Variants in TNFRSF8 observed in about 807,000 individuals in gnomAD.
The protein encoded by TNFRSF8 is tumor necrosis factor receptor superfamily member 8.
In TNFRSF8, 26 loss-of-function variants were observed where a neutral mutation model predicts 70.8. That is an observed-to-expected ratio of 0.37 (90% CI 0.27 to 0.51). TNFRSF8 has a LOEUF of 0.51. Ranked by LOEUF, TNFRSF8 falls within the 20% of genes least tolerant of loss-of-function variation. TNFRSF8 has a pLI of 0.94. For missense variants in TNFRSF8, 720 were observed against 807.9 expected (o/e 0.89, Z 1.32); for synonymous variants, 356 against 339.2 (o/e 1.05, Z -0.54).
rs766166562 is a variant in TNFRSF8 at position 12,142,427 on chromosome 1, G to A, written c.1684G>A (p.Glu562Lys). Residue 562 changes from glutamate to lysine, a missense_variant, in exon 15 of 15, where the codon GAG (glutamate) becomes AAG (lysine). Glu to Lys is a moderately conservative substitution (Grantham distance 56). Transcript: ENST00000263932. This position sits in a 1 kb window ranked among gnomAD's most constrained non-coding sequence, Gnocchi z 5.0. The stretch of plus-strand genomic sequence containing the variant: ...GGCGGACCATACCCCCCACTACCCC[G>A]AGCAGGAGACAGAACCGCCTCTGGG... The part of the protein sequence containing the change: ...LEADHTPHYP[E>K]QETEPPLGSC... 4.3e-6 allele frequency: 7 copies of A among 1,612,626 alleles called. No individual in the cohort carries two copies. The highest frequency in any genetic ancestry group is 2.7e-5 in the African/African-American group (2 of 75,048).
chr1:12,080,279 A>T, intron 1 of TNFRSF8: 1 of 522,676 alleles, frequency 1.9e-6, no homozygotes, highest in Non-Finnish European at 3.8e-6. Flanking sequence ...GGCAACATCC[A>T]AAGCATTGTA....
At chr1:12,104,287 A>G (rs1641477957) in intron 3 of TNFRSF8, 92 bp from the exon 4 acceptor site, 2 of 1,432,140 alleles carry the variant, frequency 1.4e-6, no homozygotes, top group African/African-American at 1.4e-5. Context: ...TGCGTTGCGG[A>G]CTGCACCTGC....
chr1:12,076,279 T>C (rs1244938036), intron 1 of TNFRSF8, among the ~76,000 whole-genome samples: 1 of 151,996 alleles, frequency 6.6e-6, no homozygotes, highest in Non-Finnish European at 1.5e-5. Flanking sequence ...TTTGTATTTT[T>C]AGTAGAGATG....
chr1:12,072,932 G>C (rs777752844), intron 1 of TNFRSF8, among the ~76,000 whole-genome samples: 2 of 152,180 alleles, frequency 1.3e-5, no homozygotes, highest in African/African-American at 2.4e-5. Flanking sequence ...CTCTCCAAAC[G>C]GTCTGGGGGG....
At position 12,115,652 on chromosome 1, in the gene TNFRSF8, C is replaced by A. The variant is rs1235870191; in HGVS notation, c.869C>A (p.Ala290Asp). Residue 290 changes from alanine (A) to aspartate (D), a missense_variant, in exon 8 of 15, where the codon GCC becomes GAC. Transcript: ENST00000263932. The stretch of plus-strand genomic sequence containing the variant: ...GAATGTCGACCTGGCATGATCTGTG[C>A]CACATCAGCCACCAACTCCTGTGCC... ...TCECRPGMICATSATNSCARC... is the reference protein window; with the variant it reads ...TCECRPGMICDTSATNSCARC... 19 of 1,614,062 alleles carry A rather than the reference C, an allele frequency of 1.2e-5. No individual in the cohort carries two copies. Among genetic ancestry groups the A allele is most frequent in the Non-Finnish European group, 1.5e-5 (18 of 1,180,040 alleles).
At chr1:12,111,278 T>G (rs926580954) in intron 6 of TNFRSF8, among the ~76,000 whole-genome samples, 9 of 151,756 alleles carry the variant, frequency 5.9e-5, no homozygotes, top group Non-Finnish European at 1.2e-4. Flanking sequence ...GCCTCCTGGG[T>G]TCAAGCAATT....
At chr1:12,075,209 A>C (rs1174098325) in intron 1 of TNFRSF8, among the ~76,000 whole-genome samples, 1 of 149,702 alleles carries the variant, frequency 6.7e-6, no homozygotes. Flanking sequence ...GCACCACTAC[A>C]CTCCAGCCTG....
intron 12 of TNFRSF8, 46 bp from the exon 13 acceptor site, chr1:12,135,542 G>A: frequency 6.3e-7 from 1 of 1,590,622 alleles, no homozygotes; most frequent in Non-Finnish European, 8.6e-7. Flanking sequence ...GTGGGGCCGG[G>A]GGCTGCCAGA....
Position 12,138,973 on chromosome 1 carries a change from G to A in TNFRSF8, c.1543+537G>A, listed in dbSNP as rs764107643. Among the ~76,000 whole-genome samples the A allele has an allele frequency of 2.6e-5, 4 of 152,290 alleles. No individual in the cohort carries two copies. The highest frequency in any genetic ancestry group is 1.9e-4 in the East Asian group (1 of 5,188). On this transcript the variant is annotated intron_variant, in intron 14 of 14. Transcript: ENST00000263932. The surrounding 1 kb of genome is among the most constrained non-coding windows in gnomAD (Gnocchi z 5.7). ...GCCTTGAAGCCCGTGGTTTGTCCACGTTACCACCCACCCTCTGCAGAAGCA... is the reference window on the plus strand; with the variant it reads ...GCCTTGAAGCCCGTGGTTTGTCCACATTACCACCCACCCTCTGCAGAAGCA...
intron 7 of TNFRSF8, among the ~76,000 whole-genome samples, chr1:12,114,680 G>T (rs1641694133): frequency 7.5e-6 from 1 of 133,742 alleles, no homozygotes. Context: ...TTTTGCTTTT[G>T]GAGGAAAAAA....
At chr1:12,080,447 TC>T (rs1364899033) in intron 1 of TNFRSF8, 2 of 526,030 alleles carry the variant, frequency 3.8e-6, no homozygotes, top group African/African-American at 1.9e-5. Context: ...GTTGTTGTCT[TC>T]TATCTTCTTC....
chr1:12,096,548 C>T (rs1333877174), intron 2 of TNFRSF8, among the ~76,000 whole-genome samples: 3 of 151,990 alleles, frequency 2.0e-5, no homozygotes, highest in African/African-American at 7.2e-5. Flanking sequence ...GTGGGTTGGA[C>T]AAGCTTGGTC....
At chr1:12,107,418 A>T (rs1237806696) in intron 4 of TNFRSF8, among the ~76,000 whole-genome samples, 1 of 151,954 alleles carries the variant, frequency 6.6e-6, no homozygotes, top group Non-Finnish European at 1.5e-5. Flanking sequence ...GATAAAAAAT[A>T]AAAAAAATGC....
At chr1:12,136,643 C>G (rs1181078577) in intron 13 of TNFRSF8, among the ~76,000 whole-genome samples, 2 of 97,590 alleles carry the variant, frequency 2.0e-5, no homozygotes, top group East Asian at 6.4e-4. Flanking sequence ...GAGTGAGACT[C>G]CATCTGAAAA....
chr1:12,084,447 C>G lies in TNFRSF8; in HGVS notation c.64-17C>G, dbSNP rs1229299302. On this transcript the variant is annotated splice_polypyrimidine_tract_variant and intron_variant, in intron 1 of 14. Transcript: ENST00000263932. ...TCTGGGATCCACCTGGCCTCACCAG[C>G]TTTTCTGACCTGCCAGGATCGACCC... 3.1e-6 allele frequency: 5 copies of G among 1,613,440 alleles called. No individual in the cohort carries two copies. In the East Asian group the frequency reaches 6.7e-5, roughly 22 times the overall value.
intron 8 of TNFRSF8, among the ~76,000 whole-genome samples, chr1:12,118,057 C>T (rs1260889864): frequency 6.6e-6 from 1 of 152,146 alleles, no homozygotes; most frequent in Non-Finnish European, 1.5e-5. Context: ...AGTAGTATTC[C>T]ATTGTGTATA....
rs904891833 is a variant in TNFRSF8, at chr1:12,088,130, A to G, written c.151+3579A>G. On this transcript the variant is annotated intron_variant, in intron 2 of 14. Coordinates refer to ENST00000263932, the MANE Select transcript of TNFRSF8 (RefSeq NM_001243.5). This position sits in a 1 kb window ranked among gnomAD's most constrained non-coding sequence, Gnocchi z 4.0. The stretch of plus-strand genomic sequence containing the variant: ...AAGCTGAGGGACCTTTGAGATTGAA[A>G]AATGTAGATGTCATCGAATCCCTCC... Among the ~76,000 whole-genome samples, 3 of 152,040 alleles carry G rather than the reference A, an allele frequency of 2.0e-5. No homozygotes were observed. The highest frequency in any genetic ancestry group is 7.2e-5 in the African/African-American group (3 of 41,390).
At chr1:12,097,849 A>G (rs1641357060) in intron 3 of TNFRSF8, among the ~76,000 whole-genome samples, 1 of 152,162 alleles carries the variant, frequency 6.6e-6, no homozygotes, top group Admixed American at 6.5e-5. Context: ...GTGTTTTAAA[A>G]TGTGTATTCT....
At chr1:12,135,906 G>A (rs1191814557) in intron 13 of TNFRSF8, among the ~76,000 whole-genome samples, 1 of 152,192 alleles carries the variant, frequency 6.6e-6, no homozygotes, top group Non-Finnish European at 1.5e-5. Context: ...TCAGCCTGCC[G>A]GGAATTTCCA....
Sources: allele counts gnomAD v4.1 joint callset (sites outside exome capture counted in the v4.1 genomes callset), GRCh38; gene constraint gnomAD v4.1.1; non-coding constraint Gnocchi (gnomAD v3.1); transcripts MANE v1.5; gene names NCBI Gene and HGNC (gene_info 2026-07-23, HGNC 2026-07-21).